Variants in ARHGAP28 observed in about 807,000 individuals in gnomAD.
The protein encoded by ARHGAP28 is rho GTPase-activating protein 28.
A neutral mutation model predicts 90.7 loss-of-function variants in ARHGAP28; 56 were observed. The observed-to-expected ratio is 0.62, with a 90% CI of 0.50 to 0.77. The LOEUF (loss-of-function observed/expected upper bound fraction) is 0.77, where lower values mean the gene tolerates loss of function less well. Ranked by LOEUF, ARHGAP28 falls within the 30% of genes least tolerant of loss-of-function variation. The pLI, the probability that ARHGAP28 is intolerant of heterozygous loss-of-function variation, is 0.00. For synonymous variants in ARHGAP28, 308 were observed against 323.3 expected (o/e 0.95, Z 0.51); for missense variants, 869 against 900.9 (o/e 0.96, Z 0.45).
chr18:6,852,577 A>T (rs2143279173), intron 4 of ARHGAP28, among the ~76,000 whole-genome samples: 1 of 152,310 alleles, frequency 6.6e-6, no homozygotes, highest in South Asian at 2.1e-4. Flanking sequence ...TCACAAAACT[A>T]AGAAATTAAT....
In ARHGAP28 at chr18:6,889,870, A is replaced by T. The variant is rs371334791; in HGVS notation, c.1537-18A>T. On this transcript the variant is annotated intron_variant, in intron 12 of 17. Coordinates refer to ENST00000383472, the MANE Select transcript of ARHGAP28 (RefSeq NM_001366230.1). ...TTGACAGTGTACAATTGTATGACAC[A>T]ATGCTGTTTCTTCTTAGGCCCTCAT... is the stretch of plus-strand genomic sequence containing the variant. The T allele has an allele frequency of 6.2e-7, 1 of 1,612,346 alleles. No homozygotes were observed.
rs543562499 is a variant in ARHGAP28, at chr18:6,907,117, C to T, written c.2031-1843C>T. Among the ~76,000 whole-genome samples, 7 of 152,282 alleles carry T rather than the reference C, an allele frequency of 4.6e-5. No homozygotes were observed. The East Asian group carries it at 7.7e-4, about 17-fold the overall frequency. On this transcript the variant is annotated intron_variant, in intron 16 of 17. Transcript: ENST00000383472. ...AAAACCACAATTGCATATTACTACA[C>T]ACCTGTGAGAATGGCTAAAATAAAA...
intron 10 of ARHGAP28, among the ~76,000 whole-genome samples, chr18:6,880,585 T>C (rs1035572460): frequency 6.6e-6 from 1 of 152,206 alleles, no homozygotes; most frequent in Non-Finnish European, 1.5e-5. Context: ...CGCTCGCTGC[T>C]CTCCAGCCTT....
At chr18:6,776,264 G>T (rs1282639277) in intron 1 of ARHGAP28, among the ~76,000 whole-genome samples, 1 of 152,200 alleles carries the variant, frequency 6.6e-6, no homozygotes, top group Middle Eastern at 3.2e-3. Context: ...CCTGACTCCA[G>T]ATGAGCCGAG....
chr18:6,898,727 G>A, intron 16 of ARHGAP28: 2 of 1,321,244 alleles, frequency 1.5e-6, no homozygotes, highest in South Asian at 2.5e-5. Context: ...ACTAATGACT[G>A]CAGAGAGACT....
chr18:6,822,984 C>T (rs188426623), intron 1 of ARHGAP28, among the ~76,000 whole-genome samples: 2 of 152,294 alleles, frequency 1.3e-5, no homozygotes, highest in East Asian at 3.9e-4. Flanking sequence ...TGTAATTGTC[C>T]TAAGTCGTCA....
chr18:6,729,925 C>A lies in ARHGAP28; in HGVS notation c.104C>A (p.Ala35Asp). ...TCGCGCTGCGCGCCCCGCGCCGCAG[C>A]CAGCCACCCGCTCAGCAGGTACCCG... ...AESRCAPRAA[A>D]SHPLSRKSIP... The change falls in exon 1 of 18, where the codon GCC becomes GAC. Residue 35 changes from alanine (A) to aspartate (D), a missense_variant. Transcript: ENST00000383472. The A allele has an allele frequency of 2.1e-6, 3 of 1,395,524 alleles. No homozygotes were observed. The highest frequency in any genetic ancestry group is 1.6e-5 in the South Asian group (1 of 62,948). The allele number at this position is 1,395,524 out of a possible 1,614,324, so 86.4% of individuals were successfully genotyped here.
chr18:6,800,975 T>C (rs533832706), intron 1 of ARHGAP28, among the ~76,000 whole-genome samples: 9 of 152,236 alleles, frequency 5.9e-5, no homozygotes, highest in Non-Finnish European at 1.2e-4. Flanking sequence ...ATGTGGCTTA[T>C]CTTTTCATTC....
chr18:6,871,851 C>T (rs905422622), intron 7 of ARHGAP28, among the ~76,000 whole-genome samples: 6 of 152,130 alleles, frequency 3.9e-5, no homozygotes, highest in South Asian at 2.1e-4. Flanking sequence ...GTGCCTTCTA[C>T]GGGCCTGACA....
chr18:6,911,653 C>A (rs1231823757), intron 17 of ARHGAP28, among the ~76,000 whole-genome samples: 2 of 152,032 alleles, frequency 1.3e-5, no homozygotes, highest in Non-Finnish European at 2.9e-5. Flanking sequence ...CCAGGCTGGT[C>A]TCAAACTCCT....
chr18:6,839,382 C>A (rs150283796), intron 3 of ARHGAP28, among the ~76,000 whole-genome samples: 1 of 151,540 alleles, frequency 6.6e-6, no homozygotes, highest in Non-Finnish European at 1.5e-5. Flanking sequence ...CAAGCTCCGC[C>A]TCCCGGGTTC....
chr18:6,904,223 A>T (rs2057353081), intron 16 of ARHGAP28, among the ~76,000 whole-genome samples: 1 of 151,994 alleles, frequency 6.6e-6, no homozygotes, highest in Non-Finnish European at 1.5e-5. Context: ...GCGAACCCTC[A>T]TCTCTAGTAA....
rs151267756 is a variant in ARHGAP28, at chr18:6,910,063, T to G, written c.2095+1039T>G. ...CAATTTCTTCCTCCTTGTTATCTCT[T>G]GAAGCCACTCCAGGCACACTCTGCC... On this transcript the variant is annotated intron_variant, in intron 17 of 17. Transcript: ENST00000383472. Among the ~76,000 whole-genome samples, 71 of 152,232 alleles carry G rather than the reference T, an allele frequency of 4.7e-4. 4 individuals are homozygous for G. The East Asian group carries it at 0.012, about 25-fold the overall frequency.
At chr18:6,807,192 T>G (rs959374378) in intron 1 of ARHGAP28, among the ~76,000 whole-genome samples, 7 of 152,204 alleles carry the variant, frequency 4.6e-5, no homozygotes, top group African/African-American at 1.7e-4. Context: ...TTGTGTTTTC[T>G]TAAGATGTCA....
chr18:6,748,143 T>G (rs1346646265), intron 1 of ARHGAP28, among the ~76,000 whole-genome samples: 1 of 152,214 alleles, frequency 6.6e-6, no homozygotes, highest in Non-Finnish European at 1.5e-5. Flanking sequence ...TTAGAGATTT[T>G]CTGCCTTCCT....
At chr18:6,898,977 C>T (rs985651648) in intron 16 of ARHGAP28, among the ~76,000 whole-genome samples, 3 of 151,990 alleles carry the variant, frequency 2.0e-5, no homozygotes, top group Non-Finnish European at 4.4e-5. Flanking sequence ...TCAGAAATTA[C>T]CACTACATAA....
intron 2 of ARHGAP28, among the ~76,000 whole-genome samples, chr18:6,835,179 C>G (rs2056743909): frequency 6.6e-6 from 1 of 152,128 alleles, no homozygotes; most frequent in African/African-American, 2.4e-5. Context: ...TATGTCAACT[C>G]CAGTCCTACC....
intron 9 of ARHGAP28, chr18:6,874,848 A>G (rs2057118730): frequency 6.6e-6 from 1 of 152,162 alleles, no homozygotes; most frequent in Non-Finnish European, 1.5e-5. Context: ...TACCACGTCT[A>G]GTCAGCACAG....
chr18:6,898,405 A>T, intron 16 of ARHGAP28: 2 of 1,101,718 alleles, frequency 1.8e-6, no homozygotes. Flanking sequence ...ATATACACAC[A>T]CACATTAACC....
Sources: allele counts gnomAD v4.1 joint callset (sites outside exome capture counted in the v4.1 genomes callset), GRCh38; gene constraint gnomAD v4.1.1; transcripts MANE v1.5; gene names NCBI Gene and HGNC (gene_info 2026-07-23, HGNC 2026-07-21).